Variants in RANBP1 observed in about 807,000 individuals in gnomAD.
RANBP1 encodes the protein ran-specific GTPase-activating protein.
In RANBP1, 16 loss-of-function variants were observed where a neutral mutation model predicts 31.4. That is an observed-to-expected ratio of 0.51 (90% CI 0.34 to 0.77). The LOEUF (loss-of-function observed/expected upper bound fraction) is 0.77. Among genes scored for constraint, RANBP1 ranks in the 30% least tolerant of loss-of-function variants. The probability of loss-of-function intolerance (pLI) is 0.01; values close to 1 mark genes in which losing one functional copy is unlikely to be tolerated. For missense variants in RANBP1, 265 were observed against 362.0 expected, an observed-to-expected ratio of 0.73 and a Z score of 2.17; for synonymous variants, 129 against 140.5, an observed-to-expected ratio of 0.92 and a Z score of 0.58.
Position 20,125,302 on chromosome 22 carries a change from C to G in RANBP1, c.542-6C>G, listed in dbSNP as rs369872173. 8.3e-5 allele frequency: 133 copies of G among 1,611,568 alleles called. No individual in the cohort carries two copies. The highest frequency in any genetic ancestry group is 2.2e-4 in the Middle Eastern group (1 of 4,446). On this transcript the variant is annotated splice_polypyrimidine_tract_variant and splice_region_variant and intron_variant, in intron 3 of 5. Coordinates refer to ENST00000430524, the MANE Select transcript of RANBP1 (RefSeq NM_001278639.2). The stretch of plus-strand genomic sequence containing the variant: ...TCACCATCTTCACGAGCTTCTCTCT[C>G]TTCAGTCACGCCGATGATGGAGCTG...
At chr22:20,116,894 G>A (rs1276234307) in intron 1 of RANBP1, 1 of 1,605,018 alleles carries the variant, frequency 6.2e-7, no homozygotes, top group South Asian at 1.1e-5. Flanking sequence ...TCGTTGTCGA[G>A]GTTCTCACTC....
chr22:20,120,749 T>C lies in RANBP1; in HGVS notation c.384-1515T>C, dbSNP rs558012733. 2.0e-5 allele frequency among the ~76,000 whole-genome samples: 3 copies of C among 152,306 alleles called. No individual in the cohort carries two copies. The East Asian group carries it at 5.8e-4, about 29-fold the overall frequency. On this transcript the variant is annotated intron_variant, in intron 2 of 5. Transcript: ENST00000430524. Reference sequence around the variant, plus strand: ...CTTCTCTGGGTCATCTGACCTCAGATGACCCGCCCGCCTCAGCCTCCCAAA... The same window carrying C: ...CTTCTCTGGGTCATCTGACCTCAGACGACCCGCCCGCCTCAGCCTCCCAAA...
At chr22:20,118,150 C>A (rs887193198) in intron 1 of RANBP1, 1 of 1,001,262 alleles carries the variant, frequency 1.0e-6, no homozygotes, top group Non-Finnish European at 1.2e-6. Context: ...TGCGCCGACC[C>A]AGGCGGCGGC....
intron 2 of RANBP1, among the ~76,000 whole-genome samples, chr22:20,121,803 A>G (rs895809449): frequency 6.7e-6 from 1 of 150,070 alleles, no homozygotes; most frequent in African/African-American, 2.5e-5. Context: ...CAGTGGGGCA[A>G]TCTCCACTCA....
At chr22:20,119,177 G>A (rs1053748047) in intron 2 of RANBP1, 28 bp downstream of exon 2, 3 of 1,603,880 alleles carry the variant, frequency 1.9e-6, no homozygotes, top group East Asian at 2.2e-5. Flanking sequence ...CCAGAAATAG[G>A]ACTCTTTAAG....
At chr22:20,122,713 C>T (rs1012240315) in intron 3 of RANBP1, 13 of 1,216,150 alleles carry the variant, frequency 1.1e-5, no homozygotes, top group East Asian at 5.7e-5. Context: ...TGCTGCAGGG[C>T]GAGGGGGTGC....
chr22:20,125,515 C>T, intron 4 of RANBP1, 79 bp downstream of exon 4: 2 of 1,548,648 alleles, frequency 1.3e-6, no homozygotes, highest in Non-Finnish European at 8.7e-7. Flanking sequence ...GCAACAAATG[C>T]TGTTGCCTTT....
At chr22:20,117,100 C>A in intron 1 of RANBP1, 1 of 715,300 alleles carries the variant, frequency 1.4e-6, no homozygotes. Context: ...CTCGAACCTG[C>A]GATGCTCAGG....
intron 5 of RANBP1, 99 bp from the exon 6 acceptor site, chr22:20,126,853 G>A (rs983179588): frequency 8.2e-6 from 12 of 1,456,392 alleles, no homozygotes; most frequent in Middle Eastern, 1.8e-4. Context: ...CGGGCAAGCC[G>A]CTGTGGGTGG....
chr22:20,122,769 TG>T (rs2050203908), intron 3 of RANBP1: 1 of 72,496 alleles, frequency 1.4e-5, no homozygotes, highest in Non-Finnish European at 1.6e-5. Context: ...GTGTGGTGTC[TG>T]GGGGGTGGGG....
chr22:20,116,953 C>G, intron 1 of RANBP1: 1 of 1,568,890 alleles, frequency 6.4e-7, no homozygotes, highest in Non-Finnish European at 8.6e-7. Context: ...TGGGGGCCGC[C>G]TGGCCACCTC....
chr22:20,127,164 A>AT lies in RANBP1; in HGVS notation c.*113dup. The AT allele has an allele frequency of 5.8e-6, 5 of 869,322 alleles. No individual in the cohort carries two copies. In the South Asian group the frequency reaches 7.7e-5, roughly 13 times the overall value. 53.9% of individuals were successfully genotyped at this position (869,322 alleles called of 1,614,324 possible). On this transcript the variant is annotated 3_prime_UTR_variant, in exon 6 of 6. Coordinates refer to ENST00000430524, the MANE Select transcript of RANBP1 (RefSeq NM_001278639.2). ...TTCTTTCATTTTTACAAGGGACGTT[A>AT]TATAAAGAACTGAACTCAACATTCA...
chr22:20,116,448 G>A lies in RANBP1; in HGVS notation c.246+18G>A, dbSNP rs759305194. On this transcript the variant is annotated intron_variant, in intron 1 of 5. Transcript: ENST00000430524. ...TCTCAGAGGTAAACAAGTCATCCCT[G>A]ATGTAGCTGTAGAGCCCGGGCTGAG... 19 of 1,612,856 alleles carry A rather than the reference G, an allele frequency of 1.2e-5. No individual in the cohort carries two copies. The South Asian group carries it at 2.1e-4, about 18-fold the overall frequency.
chr22:20,116,695 A>T, intron 1 of RANBP1: 1 of 1,472,344 alleles, frequency 6.8e-7, no homozygotes, highest in Non-Finnish European at 9.1e-7. Context: ...GGACACCCAG[A>T]CCTCCGTCGG....
At chr22:20,122,689 G>A in intron 3 of RANBP1, 1 of 1,412,040 alleles carries the variant, frequency 7.1e-7, no homozygotes, top group Non-Finnish European at 9.4e-7. Context: ...GCTGGGCTCG[G>A]GACGAGGAGT....
chr22:20,121,454 G>T (rs1420969201), intron 2 of RANBP1, among the ~76,000 whole-genome samples: 4 of 151,958 alleles, frequency 2.6e-5, no homozygotes, highest in Admixed American at 6.6e-5. Flanking sequence ...TCTCCACGTT[G>T]GTCAGGCTGG....
At position 20,127,084 on chromosome 22, in the gene RANBP1, T is replaced by A. The variant is rs754445052; in HGVS notation, c.*32T>A. On this transcript the variant is annotated 3_prime_UTR_variant, in exon 6 of 6. Coordinates refer to ENST00000430524, the MANE Select transcript of RANBP1 (RefSeq NM_001278639.2). ...TTATTTTATTTTCTTTTCCTCTCTT[T>A]CCTTTCCTTTTTTTAAAAAATTTTA... is the stretch of plus-strand genomic sequence containing the variant. 35 of 1,556,204 alleles carry A rather than the reference T, an allele frequency of 2.2e-5. No individual in the cohort carries two copies. The South Asian group carries it at 4.2e-4, about 19-fold the overall frequency.
In RANBP1 at chr22:20,127,108, T is replaced by A; in HGVS notation, c.*56T>A. 2 of 1,447,352 alleles carry A rather than the reference T, an allele frequency of 1.4e-6. No homozygotes were observed. Among genetic ancestry groups the A allele is most frequent in the South Asian group, 1.3e-5 (1 of 78,052 alleles). The allele number at this position is 1,447,352 out of a possible 1,614,324, so 89.7% of individuals were successfully genotyped here. A position where few individuals can be genotyped will look rare whatever the true frequency, so the allele number is the denominator to read the frequency against. On this transcript the variant is annotated 3_prime_UTR_variant, in exon 6 of 6. Transcript: ENST00000430524. ...TTCCTTTCCTTTTTTTAAAAAATTT[T>A]ACCCTGCCCCTCTTTTTCGGTTTGT...
At chr22:20,117,404 C>T in intron 1 of RANBP1, 1 of 1,207,308 alleles carries the variant, frequency 8.3e-7, no homozygotes, top group Non-Finnish European at 1.0e-6. Flanking sequence ...GCGGGAAGCG[C>T]GGGGCGGGCC....
Sources: allele counts gnomAD v4.1 joint callset (sites outside exome capture counted in the v4.1 genomes callset), GRCh38; gene constraint gnomAD v4.1.1; transcripts MANE v1.5; gene names NCBI Gene and HGNC (gene_info 2026-07-23, HGNC 2026-07-21).